RGS9: variants seen among roughly 807,000 people sequenced by gnomAD.
RGS9 encodes regulator of G protein signaling 9.
A neutral mutation model predicts 102.0 loss-of-function variants in RGS9; 78 were observed. The ratio of observed to expected loss-of-function variants is 0.76; its 90% CI spans 0.64 to 0.92. RGS9 has a LOEUF of 0.92. Ranked by LOEUF, RGS9 falls within the 40% of genes least tolerant of loss-of-function variation. The pLI, the probability that RGS9 is intolerant of heterozygous loss-of-function variation, is 0.00. For synonymous variants in RGS9, 353 were observed against 318.6 expected, an observed-to-expected ratio of 1.11 and a Z score of -1.15; for missense variants, 833 against 866.1, an observed-to-expected ratio of 0.96 and a Z score of 0.48.
intron 17 of RGS9, among the ~76,000 whole-genome samples, chr17:65,223,916 ATT>A (rs113026923): frequency 0.01 from 1,491 of 144,552 alleles, 37 homozygotes; most frequent in African/African-American, 0.036. Flanking sequence ...ACATCCAGCT[ATT>A]TTTTTTTTTT....
At chr17:65,137,671 G>A (rs891930777) in intron 1 of RGS9, 74 bp downstream of exon 1, 3 of 1,490,358 alleles carry the variant, frequency 2.0e-6, no homozygotes, top group Admixed American at 3.4e-5. Context: ...GAGGACAAGA[G>A]GGGCAGGAGT....
chr17:65,206,331 G>T (rs1913061645), intron 15 of RGS9, among the ~76,000 whole-genome samples: 1 of 152,028 alleles, frequency 6.6e-6, no homozygotes, highest in Non-Finnish European at 1.5e-5. Flanking sequence ...TTCACAGCAG[G>T]GTTTCTTTAA....
chr17:65,220,585 G>A (rs78499634), intron 17 of RGS9, among the ~76,000 whole-genome samples: 5,703 of 152,282 alleles, frequency 0.037, 150 homozygotes, highest in African/African-American at 0.068. Flanking sequence ...CGGTGGGGAA[G>A]GGGAGAGTGG....
chr17:65,226,532 C>A (rs1300204901), intron 18 of RGS9, among the ~76,000 whole-genome samples: 1 of 152,064 alleles, frequency 6.6e-6, no homozygotes, highest in East Asian at 1.9e-4. Flanking sequence ...CGCTGCTATG[C>A]CTCATACATG....
chr17:65,170,532 C>T (rs1911374889), intron 8 of RGS9, among the ~76,000 whole-genome samples: 1 of 152,220 alleles, frequency 6.6e-6, no homozygotes. Flanking sequence ...CCAACCCCTG[C>T]ACCTTAGCCC....
chr17:65,186,484 T>C (rs1912129383), intron 9 of RGS9, among the ~76,000 whole-genome samples: 1 of 152,184 alleles, frequency 6.6e-6, no homozygotes, highest in Non-Finnish European at 1.5e-5. Context: ...GTTACAGGCG[T>C]GAGCCACCGA....
chr17:65,160,719 C>G (rs1209499165), intron 5 of RGS9, 132 bp downstream of exon 5: 1 of 1,380,388 alleles, frequency 7.2e-7, no homozygotes, highest in Non-Finnish European at 1.0e-6. Context: ...CTGGGCATGT[C>G]CCCAGGGGCA....
intron 18 of RGS9, among the ~76,000 whole-genome samples, chr17:65,226,054 A>AG (rs1487741959): frequency 3.3e-5 from 5 of 152,188 alleles, no homozygotes; most frequent in Middle Eastern, 3.4e-3. Flanking sequence ...CCTTTGCCTG[A>AG]GGGGGGGCCC....
intron 12 of RGS9, among the ~76,000 whole-genome samples, chr17:65,195,942 C>T (rs1464962833): frequency 6.6e-6 from 1 of 152,252 alleles, no homozygotes; most frequent in Non-Finnish European, 1.5e-5. Flanking sequence ...CCCACCCACT[C>T]CTACTGAATC....
chr17:65,201,100 T>TACACACACAC (rs113665578), intron 13 of RGS9, among the ~76,000 whole-genome samples: 61 of 148,742 alleles, frequency 4.1e-4, no homozygotes, highest in Admixed American at 1.5e-3. Flanking sequence ...CTCCACGATT[T>TACACACACAC]ACACACACAC....
Position 65,193,661 on chromosome 17 carries a change from G to T in RGS9, c.860+5G>T. 3.2e-6 allele frequency: 5 copies of T among 1,576,816 alleles called. No individual in the cohort carries two copies. Among genetic ancestry groups the T allele is most frequent in the Non-Finnish European group, 4.4e-6 (5 of 1,146,040 alleles). ...CTGGGACTTAAATGCCAAATTGTATGTATTTTATATATTGGTGTTTTTTAA... is the reference window on the plus strand; with the variant it reads ...CTGGGACTTAAATGCCAAATTGTATTTATTTTATATATTGGTGTTTTTTAA... On this transcript the variant is annotated splice_donor_5th_base_variant and intron_variant, in intron 12 of 18. Coordinates refer to ENST00000262406, the MANE Select transcript of RGS9 (RefSeq NM_003835.4).
chr17:65,205,056 A>G (rs1365774727), intron 15 of RGS9, among the ~76,000 whole-genome samples: 1 of 152,228 alleles, frequency 6.6e-6, no homozygotes, highest in East Asian at 1.9e-4. Flanking sequence ...AGACCCTGTG[A>G]GAATTTAGAT....
At chr17:65,145,763 C>T (rs1473873283) in intron 1 of RGS9, among the ~76,000 whole-genome samples, 1 of 152,088 alleles carries the variant, frequency 6.6e-6, no homozygotes, top group African/African-American at 2.4e-5. Flanking sequence ...GTTAGGACTT[C>T]AATGTACGAA....
rs997309369 is a variant in RGS9, at chr17:65,198,519, G to A, written c.976+1278G>A. 4.6e-5 allele frequency among the ~76,000 whole-genome samples: 7 copies of A among 152,186 alleles called. No homozygotes were observed. In the East Asian group the frequency reaches 7.7e-4, roughly 17 times the overall value. ...GATCCACCTGCCTCGGCCTCCCAAAGTGTTGGGATTACAGGCGTGAGCCAC... is the reference window on the plus strand; with the variant it reads ...GATCCACCTGCCTCGGCCTCCCAAAATGTTGGGATTACAGGCGTGAGCCAC... On this transcript the variant is annotated intron_variant, in intron 13 of 18. Transcript: ENST00000262406.
At chr17:65,211,704 A>G (rs1913308600) in intron 17 of RGS9, among the ~76,000 whole-genome samples, 1 of 152,214 alleles carries the variant, frequency 6.6e-6, no homozygotes, top group Non-Finnish European at 1.5e-5. Flanking sequence ...GAAGTGAGCA[A>G]GAGACCAGCC....
intron 6 of RGS9, among the ~76,000 whole-genome samples, chr17:65,161,742 C>A (rs1230921879): frequency 6.7e-6 from 1 of 148,844 alleles, no homozygotes. Flanking sequence ...TTATTTGAGA[C>A]AACGTCTTGC....
At chr17:65,150,019 A>G (rs1047191247) in intron 1 of RGS9, among the ~76,000 whole-genome samples, 2 of 152,230 alleles carry the variant, frequency 1.3e-5, no homozygotes, top group African/African-American at 4.8e-5. Flanking sequence ...CCAGAAGACT[A>G]ATGATGGTGT....
chr17:65,184,042 G>C (rs915900757), intron 9 of RGS9, among the ~76,000 whole-genome samples: 1 of 152,230 alleles, frequency 6.6e-6, no homozygotes, highest in African/African-American at 2.4e-5. Flanking sequence ...GTGTGTCGCT[G>C]AGATGAGGCA....
chr17:65,176,361 A>G (rs1911623872), intron 8 of RGS9, among the ~76,000 whole-genome samples: 1 of 152,176 alleles, frequency 6.6e-6, no homozygotes, highest in Admixed American at 6.5e-5. Context: ...TTCACACCCT[A>G]TCTTGTTAAA....
Sources: gnomAD v4.1 joint callset for allele counts (sites outside exome capture counted in the v4.1 genomes callset) on GRCh38, gnomAD v4.1.1 for gene constraint, MANE v1.5 for transcripts, NCBI Gene and HGNC (gene_info 2026-07-23, HGNC 2026-07-21) for gene names.